The following CDH1 variants were observed in gnomAD, a reference collection of about 807,000 sequenced individuals.
CDH1 encodes cadherin-1.
In CDH1, 35 loss-of-function variants were observed where a neutral mutation model predicts 84.5. That is an observed-to-expected ratio of 0.41 (90% confidence interval 0.32 to 0.55). CDH1 has a LOEUF of 0.55. CDH1 is among the 20% of genes least tolerant of loss of function. CDH1 has a pLI of 0.19. For synonymous variants in CDH1, 417 were observed against 439.0 expected (o/e 0.95, Z 0.63); for missense variants, 994 against 1,126.6 (o/e 0.88, Z 1.68).
At chr16:68,740,151 G>A (rs1215072567) in intron 2 of CDH1, among the ~76,000 whole-genome samples, 1 of 151,940 alleles carries the variant, frequency 6.6e-6, no homozygotes, top group Non-Finnish European at 1.5e-5. Context: ...ACTTGATTGG[G>A]TATCACAATA....
chr16:68,808,660 T>C (rs2152129993), intron 4 of CDH1, 33 bp from the exon 5 acceptor site: 1 of 1,613,798 alleles, frequency 6.2e-7, no homozygotes, highest in Non-Finnish European at 8.5e-7. Flanking sequence ...GGATCCTTCT[T>C]TACTAATTCT....
intron 2 of CDH1, among the ~76,000 whole-genome samples, chr16:68,779,917 C>T (rs1597869478): frequency 6.6e-6 from 1 of 152,100 alleles, no homozygotes; most frequent in Admixed American, 6.6e-5. Context: ...TTTCCAATCC[C>T]CCCATCCCCA....
intron 2 of CDH1, among the ~76,000 whole-genome samples, chr16:68,771,862 C>G (rs563903721): frequency 6.6e-6 from 1 of 151,970 alleles, no homozygotes; most frequent in African/African-American, 2.4e-5. Context: ...ATTACAGGCG[C>G]GAGCCACCGT....
intron 3 of CDH1, among the ~76,000 whole-genome samples, chr16:68,806,832 G>A (rs1960676366): frequency 6.6e-6 from 1 of 152,176 alleles, no homozygotes; most frequent in African/African-American, 2.4e-5. Context: ...ACAAACACAG[G>A]ATGTAGAGGG....
Position 68,829,639 on chromosome 16 carries a change from C to G in CDH1, c.2296-15C>G, listed in dbSNP as rs1057521164. Reference sequence around the variant, plus strand: ...TTCCTACTCTTCATTGTACTTCAACCTTTTTTCTCCAAAGGACTTTGACTT... The same window carrying G: ...TTCCTACTCTTCATTGTACTTCAACGTTTTTTCTCCAAAGGACTTTGACTT... On this transcript the variant is annotated splice_polypyrimidine_tract_variant and intron_variant, in intron 14 of 15. Transcript: ENST00000261769. 6.2e-7 allele frequency: 1 copy of G among 1,613,834 alleles called. No homozygotes were observed. The highest frequency in any genetic ancestry group is 8.5e-7 in the Non-Finnish European group (1 of 1,179,834).
chr16:68,775,361 G>A (rs1473823242), intron 2 of CDH1, among the ~76,000 whole-genome samples: 1 of 152,020 alleles, frequency 6.6e-6, no homozygotes, highest in Non-Finnish European at 1.5e-5. Context: ...CAACTCTGAT[G>A]GCAAATATTC....
intron 2 of CDH1, among the ~76,000 whole-genome samples, chr16:68,753,696 T>C (rs916914758): frequency 7.2e-5 from 11 of 152,160 alleles, no homozygotes; most frequent in Non-Finnish European, 1.5e-4. Context: ...AATGGCTTAA[T>C]GGGTAGTGTG....
intron 2 of CDH1, among the ~76,000 whole-genome samples, chr16:68,779,127 C>G (rs1959807315): frequency 6.6e-6 from 1 of 152,212 alleles, no homozygotes; most frequent in Non-Finnish European, 1.5e-5. Context: ...AAGGCCTGCT[C>G]TAAATGGGCC....
chr16:68,820,000 A>G (rs1271184259), intron 11 of CDH1, among the ~76,000 whole-genome samples: 1 of 152,090 alleles, frequency 6.6e-6, no homozygotes, highest in Non-Finnish European at 1.5e-5. Flanking sequence ...GGAGTTCAAG[A>G]CCAGCCTGGG....
At chr16:68,791,957 G>C (rs1185400733) in intron 2 of CDH1, among the ~76,000 whole-genome samples, 2 of 152,062 alleles carry the variant, frequency 1.3e-5, no homozygotes, top group East Asian at 1.9e-4. Flanking sequence ...GTCTCTCTCT[G>C]TTGCCCAGGC....
chr16:68,768,784 G>T (rs1410096541), intron 2 of CDH1, among the ~76,000 whole-genome samples: 1 of 152,126 alleles, frequency 6.6e-6, no homozygotes, highest in East Asian at 1.9e-4. Context: ...CTAGAAGTAA[G>T]GTCTCTATTA....
intron 13 of CDH1, among the ~76,000 whole-genome samples, chr16:68,825,168 G>A (rs1961286386): frequency 6.6e-6 from 1 of 152,078 alleles, no homozygotes; most frequent in Admixed American, 6.5e-5. Flanking sequence ...TGACTGCAAG[G>A]GGTGGTCCAG....
chr16:68,786,805 A>T (rs1960064562), intron 2 of CDH1, among the ~76,000 whole-genome samples: 1 of 152,150 alleles, frequency 6.6e-6, no homozygotes, highest in African/African-American at 2.4e-5. Context: ...TTGTACAGTC[A>T]TCTGCAAGCA....
intron 10 of CDH1, among the ~76,000 whole-genome samples, chr16:68,819,002 T>C (rs1017970204): frequency 6.6e-6 from 1 of 152,076 alleles, no homozygotes; most frequent in Non-Finnish European, 1.5e-5. Flanking sequence ...ATTACAGGCG[T>C]GTGCCACCAC....
chr16:68,827,798 C>T (rs1367638949), intron 13 of CDH1, among the ~76,000 whole-genome samples: 1 of 152,148 alleles, frequency 6.6e-6, no homozygotes, highest in African/African-American at 2.4e-5. Flanking sequence ...CTGCTACAGC[C>T]ATGCTGGCCT....
intron 10 of CDH1, among the ~76,000 whole-genome samples, chr16:68,816,691 G>A (rs1451407189): frequency 6.6e-6 from 1 of 152,202 alleles, no homozygotes; most frequent in Non-Finnish European, 1.5e-5. Flanking sequence ...TGAGGTTGCA[G>A]TGAGCTGAGA....
chr16:68,815,650 T>G lies in CDH1; in HGVS notation c.1456T>G (p.Phe486Val), dbSNP rs1331977824. ...GCTGGATGTGAATGAAGCCCCCATC[T>G]TTGTGCCTCCTGAAAAGAGAGTGGA... is the stretch of plus-strand genomic sequence containing the variant. The part of the protein sequence containing the change: ...DVLDVNEAPI[F>V]VPPEKRVEVS... The change falls in exon 10 of 16, where the codon TTT (phenylalanine) becomes GTT (valine). Residue 486 changes from phenylalanine (F) to valine (V), a missense_variant. Phe to Val is a conservative substitution (Grantham distance 50, BLOSUM62 -1). Transcript: ENST00000261769. 6.2e-7 allele frequency: 1 copy of G among 1,614,206 alleles called. No individual in the cohort carries two copies. The highest frequency in any genetic ancestry group is 8.5e-7 in the Non-Finnish European group (1 of 1,180,046).
chr16:68,810,119 A>G (rs1050492827), intron 5 of CDH1, 78 bp from the exon 6 acceptor site: 3 of 1,519,658 alleles, frequency 2.0e-6, no homozygotes, highest in Non-Finnish European at 1.8e-6. Context: ...AGGGGGGCGC[A>G]CTCTGCTCTG....
intron 2 of CDH1, among the ~76,000 whole-genome samples, chr16:68,800,647 T>A (rs1960472877): frequency 6.6e-6 from 1 of 152,172 alleles, no homozygotes; most frequent in Non-Finnish European, 1.5e-5. Flanking sequence ...GCTGAGAGTT[T>A]CCTAGAATGA....
Sources: gnomAD v4.1 joint callset for allele counts (sites outside exome capture counted in the v4.1 genomes callset) on GRCh38, gnomAD v4.1.1 for gene constraint, MANE v1.5 for transcripts, NCBI Gene and HGNC (gene_info 2026-07-23, HGNC 2026-07-21) for gene names.